CD96: variants seen among roughly 807,000 people sequenced by gnomAD.
CD96 encodes the protein T-cell surface protein tactile.
A neutral mutation model predicts 71.3 loss-of-function variants in CD96; 70 were observed. The observed-to-expected ratio is 0.98, with a 90% CI of 0.81 to 1.20. CD96 has a LOEUF of 1.20. Ranked by LOEUF, CD96 falls within the 50% of genes most tolerant of loss-of-function variation. The probability of loss-of-function intolerance (pLI) is 0.00; values close to 1 mark genes in which losing one functional copy is unlikely to be tolerated. For missense variants in CD96, 742 were observed against 677.5 expected, an observed-to-expected ratio of 1.10 and a Z score of -1.06; for synonymous variants, 248 against 233.0, an observed-to-expected ratio of 1.06 and a Z score of -0.59.
intron 12 of CD96, among the ~76,000 whole-genome samples, chr3:111,644,755 CAT>C (rs1269205923): frequency 2.2e-4 from 34 of 152,132 alleles, no homozygotes; most frequent in African/African-American, 7.0e-4. Flanking sequence ...GGCTAACAAA[CAT>C]ATGAAAAAAT....
intron 3 of CD96, among the ~76,000 whole-genome samples, chr3:111,570,218 G>A (rs192924136): frequency 2.6e-3 from 401 of 152,312 alleles, no homozygotes; most frequent in Non-Finnish European, 4.1e-3. Context: ...TCAGGTCTGA[G>A]CAGCAGGGAG....
chr3:111,589,172 A>G (rs4682291), intron 5 of CD96, among the ~76,000 whole-genome samples: 135,211 of 151,804 alleles, frequency 0.89, 60,467 homozygotes, highest in East Asian at 0.96. Flanking sequence ...GGGTGGTCTC[A>G]ATGCCCTGAC....
At position 111,545,290 on chromosome 3, in the gene CD96, T is replaced by A. The variant is rs780330920; in HGVS notation, c.306T>A (p.Thr102=). 1 of 1,614,078 alleles carries A rather than the reference T, an allele frequency of 6.2e-7. No individual in the cohort carries two copies. Among genetic ancestry groups the A allele is most frequent in the Non-Finnish European group, 8.5e-7 (1 of 1,179,922 alleles). ...TETPENGSKW[T]LHLRNMSCSV... ...CTCCTGAGAATGGGTCAAAATGGACTCTGCACTTAAGGAATATGTCTTGTT... is the reference window on the plus strand; with the variant it reads ...CTCCTGAGAATGGGTCAAAATGGACACTGCACTTAAGGAATATGTCTTGTT... The change falls in exon 2 of 14, where the codon ACT becomes ACA. Residue 102 remains threonine, a synonymous_variant. Coordinates refer to ENST00000352690, the MANE Select transcript of CD96 (RefSeq NM_005816.5).
intron 1 of CD96, 77 bp downstream of exon 1, chr3:111,542,386 CT>C: frequency 1.8e-6 from 1 of 549,376 alleles, no homozygotes; most frequent in Non-Finnish European, 3.3e-6. Flanking sequence ...TTTAAAATGC[CT>C]TGTGACTGCT....
chr3:111,556,502 A>G (rs1460764307), intron 2 of CD96, among the ~76,000 whole-genome samples: 11 of 122,524 alleles, frequency 9.0e-5, no homozygotes, highest in African/African-American at 2.0e-4. Flanking sequence ...ATGATTTCCA[A>G]TTTCATCCAT....
chr3:111,590,007 A>G (rs1936904460), intron 5 of CD96, among the ~76,000 whole-genome samples: 1 of 152,198 alleles, frequency 6.6e-6, no homozygotes, highest in Non-Finnish European at 1.5e-5. Context: ...GGCACATAGT[A>G]TACATTTCAG....
At chr3:111,582,922 T>C (rs1182840967) in intron 4 of CD96, among the ~76,000 whole-genome samples, 1 of 152,126 alleles carries the variant, frequency 6.6e-6, no homozygotes, top group African/African-American at 2.4e-5. Context: ...AAATCTCATG[T>C]CCTCACATTT....
intron 14 of CD96, among the ~76,000 whole-genome samples, chr3:111,663,995 C>T (rs775817627): frequency 6.6e-6 from 1 of 152,152 alleles, no homozygotes; most frequent in Non-Finnish European, 1.5e-5. Flanking sequence ...CGTGATCTTC[C>T]TGCCTCAGCC....
chr3:111,556,785 C>T (rs886636372), intron 2 of CD96, among the ~76,000 whole-genome samples: 1 of 151,964 alleles, frequency 6.6e-6, no homozygotes, highest in South Asian at 2.1e-4. Flanking sequence ...ACCACACTGA[C>T]TTCCATAATG....
chr3:111,544,301 C>T (rs573017507), intron 1 of CD96, among the ~76,000 whole-genome samples: 10 of 152,204 alleles, frequency 6.6e-5, no homozygotes, highest in Admixed American at 2.6e-4. Flanking sequence ...TGCACCACCA[C>T]GCCCAGCTAA....
chr3:111,603,575 T>C (rs1382890129), intron 7 of CD96, among the ~76,000 whole-genome samples: 1 of 152,156 alleles, frequency 6.6e-6, no homozygotes, highest in African/African-American at 2.4e-5. Flanking sequence ...ATAGGAGACA[T>C]TTTGTCTTGT....
chr3:111,543,852 C>T (rs1488347355), intron 1 of CD96, among the ~76,000 whole-genome samples: 5 of 152,180 alleles, frequency 3.3e-5, no homozygotes, highest in Non-Finnish European at 7.3e-5. Flanking sequence ...AGAATTGTCA[C>T]GGGTTAAATA....
intron 2 of CD96, among the ~76,000 whole-genome samples, chr3:111,549,138 T>C (rs1934563488): frequency 1.3e-5 from 2 of 152,090 alleles, no homozygotes; most frequent in South Asian, 4.1e-4. Context: ...CTTATTTTCA[T>C]TTCCCTCTCT....
In CD96 at chr3:111,583,174, T is replaced by C. The variant is rs545837216; in HGVS notation, c.752-2149T>C. Among the ~76,000 whole-genome samples the C allele has an allele frequency of 7.2e-5, 11 of 152,286 alleles. No homozygotes were observed. In the East Asian group the frequency reaches 1.5e-3, roughly 21 times the overall value. ...AAAGGGGCTGCAGGCCCCATGCAAGTCCAAAATCCAAAAGGGCAGTCAAAT... is the reference window on the plus strand; with the variant it reads ...AAAGGGGCTGCAGGCCCCATGCAAGCCCAAAATCCAAAAGGGCAGTCAAAT... On this transcript the variant is annotated intron_variant, in intron 4 of 13. Transcript: ENST00000352690.
At chr3:111,561,800 C>A (rs1160347621) in intron 2 of CD96, among the ~76,000 whole-genome samples, 10 of 150,116 alleles carry the variant, frequency 6.7e-5, no homozygotes, top group Non-Finnish European at 5.9e-5. Flanking sequence ...GGGCGCCCCT[C>A]CCCCAGCCTC....
At chr3:111,558,116 T>C (rs1393265490) in intron 2 of CD96, among the ~76,000 whole-genome samples, 3 of 141,578 alleles carry the variant, frequency 2.1e-5, no homozygotes, top group Admixed American at 1.4e-4. Context: ...GCTGAGACAA[T>C]GGGGTTTTCT....
Position 111,593,849 on chromosome 3 carries a change from G to T in CD96, c.808-4271G>T. ...GGGCCTTGGATCCTGGCGCTGCCCA[G>T]CCTGACCATGGCCACTCTTCTCCAG... On this transcript the variant is annotated intron_variant, in intron 5 of 13. Coordinates refer to ENST00000352690, the MANE Select transcript of CD96 (RefSeq NM_005816.5). 2 of 1,613,952 alleles carry T rather than the reference G, an allele frequency of 1.2e-6. No homozygotes were observed. The highest frequency in any genetic ancestry group is 1.7e-6 in the Non-Finnish European group (2 of 1,180,038).
At chr3:111,612,629 C>A (rs866017460) in intron 8 of CD96, among the ~76,000 whole-genome samples, 1 of 152,160 alleles carries the variant, frequency 6.6e-6, no homozygotes, top group Non-Finnish European at 1.5e-5. Flanking sequence ...CAAAGTCATG[C>A]AGAAAGTAGA....
At chr3:111,598,862 T>C (rs1186184572) in intron 6 of CD96, among the ~76,000 whole-genome samples, 2 of 152,230 alleles carry the variant, frequency 1.3e-5, no homozygotes, top group African/African-American at 4.8e-5. Flanking sequence ...TGTCCCTGCC[T>C]GAACAACAGC....
Sources: allele counts gnomAD v4.1 joint callset (sites outside exome capture counted in the v4.1 genomes callset), GRCh38; gene constraint gnomAD v4.1.1; transcripts MANE v1.5; gene names NCBI Gene and HGNC (gene_info 2026-07-23, HGNC 2026-07-21).